AJAP1: variants seen among roughly 807,000 people sequenced by gnomAD.
AJAP1 encodes the protein adherens junctions associated protein 1.
AJAP1 carries 5 observed loss-of-function variants against 35.0 expected under a neutral mutation model. That is an observed-to-expected ratio of 0.14 (90% CI 0.07 to 0.30). The LOEUF (loss-of-function observed/expected upper bound fraction) is 0.30. Among genes scored for constraint, AJAP1 ranks in the 10% least tolerant of loss-of-function variants. The pLI is 1.00. For synonymous variants in AJAP1, 284 were observed against 249.3 expected, an observed-to-expected ratio of 1.14 and a Z score of -1.31; for missense variants, 586 against 571.0, an observed-to-expected ratio of 1.03 and a Z score of -0.27.
chr1:4,725,748 G>T (rs970720870), intron 2 of AJAP1, among the ~76,000 whole-genome samples: 1 of 152,024 alleles, frequency 6.6e-6, no homozygotes, highest in Non-Finnish European at 1.5e-5. Flanking sequence ...CGGGAGGGCC[G>T]GCTCCTCCCA....
At chr1:4,705,471 G>A (rs1353794026) in intron 1 of AJAP1, among the ~76,000 whole-genome samples, 1 of 118,040 alleles carries the variant, frequency 8.5e-6, no homozygotes, top group Non-Finnish European at 1.6e-5. Flanking sequence ...ATTGTGCTTA[G>A]TGACCTGCTT....
In AJAP1 at chr1:4,751,715, C is replaced by CGAT. The variant is rs566683023; in HGVS notation, c.830-18133_830-18131dup. 2.2e-3 allele frequency among the ~76,000 whole-genome samples: 336 copies of CGAT among 152,334 alleles called. 3 individuals are homozygous for CGAT. The highest frequency in any genetic ancestry group is 7.6e-3 in the African/African-American group (317 of 41,576). On this transcript the variant is annotated intron_variant, in intron 2 of 5. Coordinates refer to ENST00000378191, the MANE Select transcript of AJAP1 (RefSeq NM_018836.4). ...GAGCACAGAGGCCTGGTGGCCACAC[C>CGAT]GATGATGGCAGTTTGTCCAGGAATA...
chr1:4,719,099 G>A (rs75581385), intron 2 of AJAP1, among the ~76,000 whole-genome samples: 7 of 152,226 alleles, frequency 4.6e-5, no homozygotes, highest in Non-Finnish European at 8.8e-5. Flanking sequence ...ATTGCCATCC[G>A]CTCACAGGGG....
intron 2 of AJAP1, among the ~76,000 whole-genome samples, chr1:4,744,116 G>A (rs1641133446): frequency 7.2e-6 from 1 of 139,668 alleles, no homozygotes; most frequent in East Asian, 2.1e-4. Context: ...GCCTTTGAGG[G>A]CCTGAGTCAT....
chr1:4,662,651 C>T (rs573703049), intron 1 of AJAP1, among the ~76,000 whole-genome samples: 3 of 152,294 alleles, frequency 2.0e-5, no homozygotes, highest in South Asian at 2.1e-4. Context: ...CCTTATGTGT[C>T]GTTAGATGGA....
At chr1:4,701,533 C>T (rs1431597651) in intron 1 of AJAP1, among the ~76,000 whole-genome samples, 3 of 152,276 alleles carry the variant, frequency 2.0e-5, no homozygotes, top group East Asian at 3.9e-4. Flanking sequence ...AAGTGGTGCC[C>T]GTGCCATCAG....
intron 1 of AJAP1, among the ~76,000 whole-genome samples, chr1:4,680,362 A>G (rs752726184): frequency 2.0e-4 from 30 of 152,318 alleles, no homozygotes; most frequent in Non-Finnish European, 3.8e-4. Flanking sequence ...TGGTGATCCA[A>G]TATGACCTCA....
Position 4,712,618 on chromosome 1 carries a change from G to A in AJAP1, c.748G>A (p.Val250Ile), listed in dbSNP as rs777873245. The A allele has an allele frequency of 1.3e-6, 2 of 1,592,926 alleles. No homozygotes were observed. The highest frequency in any genetic ancestry group is 1.3e-5 in the African/African-American group (1 of 74,440). The stretch of plus-strand genomic sequence containing the variant: ...TCCCCGGAGAAGGATCCCAGGTGGG[G>A]TTAGCACAACGGAGCCTTCCACCAG... Reference protein sequence around the residue: ...LDPRRRIPGGVSTTEPSTSPS... With the variant: ...LDPRRRIPGGISTTEPSTSPS... Residue 250 changes from valine (V) to isoleucine (I), a missense_variant, in exon 2 of 6, where the codon GTT becomes ATT. Transcript: ENST00000378191.
In AJAP1 at chr1:4,692,447, G is replaced by T. The variant is rs1639764525; in HGVS notation, c.30-19453G>T. On this transcript the variant is annotated intron_variant, in intron 1 of 5. Coordinates refer to ENST00000378191, the MANE Select transcript of AJAP1 (RefSeq NM_018836.4). The surrounding 1 kb of genome is among the most constrained non-coding windows in gnomAD (Gnocchi z 4.4). ...GTGGGACTCATCATTACGAGGACTT[G>T]TAATTGCTTTGCTGGCTGGGTCCCA... is the stretch of plus-strand genomic sequence containing the variant. Among the ~76,000 whole-genome samples, 1 of 152,180 alleles carries T rather than the reference G, an allele frequency of 6.6e-6. No individual in the cohort carries two copies. The highest frequency in any genetic ancestry group is 2.4e-5 in the African/African-American group (1 of 41,430).
Position 4,734,666 on chromosome 1 carries a change from G to C in AJAP1, c.829+21967G>C, listed in dbSNP as rs1461753699. The stretch of plus-strand genomic sequence containing the variant: ...CACTGCAGGAGCTCGGACTGCACTG[G>C]ATGGGGCTGGAGTGGCACCTGTGGG... On this transcript the variant is annotated intron_variant, in intron 2 of 5. Transcript: ENST00000378191. The surrounding 1 kb of genome is among the most constrained non-coding windows in gnomAD (Gnocchi z 4.3). Among the ~76,000 whole-genome samples the C allele has an allele frequency of 1.3e-5, 2 of 152,180 alleles. No homozygotes were observed. Among genetic ancestry groups the C allele is most frequent in the Non-Finnish European group, 2.9e-5 (2 of 68,038 alleles).
Position 4,654,626 on chromosome 1 carries a change from C to A in AJAP1, c.-800C>A, listed in dbSNP as rs1011263601. The A allele has an allele frequency of 1.1e-3, 172 of 150,892 alleles. No homozygotes were observed. Among genetic ancestry groups the A allele is most frequent in the South Asian group, 3.8e-3 (21 of 5,574 alleles). 9.3% of individuals were successfully genotyped at this position (150,892 alleles called of 1,614,324 possible). ...GGAGAGGCAGACGCGAGGAGGGAGG[C>A]GGCTGAGCAGCGCGGGCGGCTCTGC... On this transcript the variant is annotated 5_prime_UTR_variant, in exon 1 of 6. Transcript: ENST00000378191. This position sits in a 1 kb window ranked among gnomAD's most constrained non-coding sequence, Gnocchi z 5.1.
chr1:4,705,634 C>T (rs369462658), intron 1 of AJAP1, among the ~76,000 whole-genome samples: 1 of 151,802 alleles, frequency 6.6e-6, no homozygotes, highest in African/African-American at 2.4e-5. Flanking sequence ...TACTTCCTCT[C>T]TGTGGGCATC....
In AJAP1 at chr1:4,776,614, C is replaced by T. The variant is rs138864817; in HGVS notation, c.*59+2056C>T. 4.9e-3 allele frequency among the ~76,000 whole-genome samples: 739 copies of T among 152,332 alleles called. 51 individuals carry two copies. The South Asian group carries it at 0.12, about 25-fold the overall frequency. ...TTACTCATCTGCCCCAGAAAACCTT[C>T]GTGTCTCATCAGCCTGGTCCTCCCC... On this transcript the variant is annotated intron_variant, in intron 5 of 5. Transcript: ENST00000378191.
chr1:4,658,464 G>A (rs1372892785), intron 1 of AJAP1, among the ~76,000 whole-genome samples: 1 of 152,248 alleles, frequency 6.6e-6, no homozygotes, highest in Admixed American at 6.5e-5. Flanking sequence ...AGCGGATGAA[G>A]TCAAACGCGC....
At position 4,783,471 on chromosome 1, in the gene AJAP1, G is replaced by GTATATATATATATATATATATA. The variant is rs70957905; in HGVS notation, c.*1004_*1025dup. On this transcript the variant is annotated 3_prime_UTR_variant, in exon 6 of 6. Coordinates refer to ENST00000378191, the MANE Select transcript of AJAP1 (RefSeq NM_018836.4). ...ATGCCAAGGTTTTATATATGTGTGT[G>GTATATATATATATATATATATA]TATATATATATATATATATATATAT... The GTATATATATATATATATATATA allele has an allele frequency of 1.7e-5, 1 of 57,800 alleles. No homozygotes were observed. Among genetic ancestry groups the GTATATATATATATATATATATA allele is most frequent in the Non-Finnish European group, 3.3e-5 (1 of 30,046 alleles). The allele number at this position is 57,800 out of a possible 1,614,324, so 3.6% of individuals were successfully genotyped here.
At chr1:4,672,511 G>T (rs951412491) in intron 1 of AJAP1, among the ~76,000 whole-genome samples, 1 of 152,176 alleles carries the variant, frequency 6.6e-6, no homozygotes, top group Non-Finnish European at 1.5e-5. Context: ...GGACCACACT[G>T]TCTGGCATAA....
chr1:4,751,862 G>A (rs1258611975), intron 2 of AJAP1, among the ~76,000 whole-genome samples: 1 of 152,190 alleles, frequency 6.6e-6, no homozygotes, highest in East Asian at 1.9e-4. Flanking sequence ...CAAAGGCAGG[G>A]CCGGAACAGA....
intron 1 of AJAP1, among the ~76,000 whole-genome samples, chr1:4,691,754 C>T (rs1237982263): frequency 6.6e-6 from 1 of 152,170 alleles, no homozygotes; most frequent in Non-Finnish European, 1.5e-5. Context: ...GAGAGAAAGG[C>T]ACAAGGCAAG....
At chr1:4,683,293 C>A (rs1639528595) in intron 1 of AJAP1, among the ~76,000 whole-genome samples, 1 of 152,358 alleles carries the variant, frequency 6.6e-6, no homozygotes, top group Non-Finnish European at 1.5e-5. Context: ...GGAAGATCAG[C>A]TGATAGTCTC....
Sources: allele counts gnomAD v4.1 joint callset (sites outside exome capture counted in the v4.1 genomes callset), GRCh38; gene constraint gnomAD v4.1.1; non-coding constraint Gnocchi (gnomAD v3.1); transcripts MANE v1.5; gene names NCBI Gene and HGNC (gene_info 2026-07-23, HGNC 2026-07-21).